GPC4: variants seen among roughly 807,000 people sequenced by gnomAD.
GPC4 encodes glypican 4.
In GPC4, 10 loss-of-function variants were observed where a neutral mutation model predicts 35.0. That is an observed-to-expected ratio of 0.29 (90% CI 0.18 to 0.48). The LOEUF (loss-of-function observed/expected upper bound fraction) is 0.48. GPC4 is among the 20% of genes least tolerant of loss of function. GPC4 has a pLI of 0.99. For missense variants in GPC4, 322 were observed against 451.3 expected, an observed-to-expected ratio of 0.71 and a Z score of 2.60; for synonymous variants, 167 against 170.2, an observed-to-expected ratio of 0.98 and a Z score of 0.15.
intron 3 of GPC4, among the ~76,000 whole-genome samples, chrX:133,319,468 AAAAG>A (rs1569342805): frequency 1.9e-5 from 2 of 106,091 alleles, no homozygotes; most frequent in Non-Finnish European, 3.9e-5. Flanking sequence ...AAAAAAAAAA[AAAAG>A]AAAGAAGGAA....
At chrX:133,346,352 A>G (rs1319589928) in intron 1 of GPC4, among the ~76,000 whole-genome samples, 8 of 111,426 alleles carry the variant, frequency 7.2e-5, no homozygotes. Context: ...TCATGTCCAA[A>G]GTTTTTCTTT....
intron 1 of GPC4, among the ~76,000 whole-genome samples, chrX:133,379,581 T>A (rs1387230885): frequency 8.9e-6 from 1 of 111,953 alleles, no homozygotes; most frequent in Non-Finnish European, 1.9e-5. Context: ...TATGTGAGTT[T>A]CAACAAAAAA....
At chrX:133,410,619 G>A (rs1039336340) in intron 1 of GPC4, among the ~76,000 whole-genome samples, 5 of 112,108 alleles carry the variant, frequency 4.5e-5, no homozygotes, top group South Asian at 3.8e-4. Flanking sequence ...TCAGATTAAC[G>A]CCAATGTTGT....
rs772959039 is a variant in GPC4 at position 133,396,831 on chromosome X, CAG to C, written c.160+17973_160+17974del. 6.8e-4 allele frequency among the ~76,000 whole-genome samples: 76 copies of C among 112,210 alleles called. 1 individual carries two copies. Among genetic ancestry groups the C allele is most frequent in the African/African-American group, 2.4e-3 (74 of 30,951 alleles). The stretch of plus-strand genomic sequence containing the variant: ...CAACTTAAAGACCTACTTTAATAAA[CAG>C]ATATTTTTGTAATTAACACAATGGT... On this transcript the variant is annotated intron_variant, in intron 1 of 8. Coordinates refer to ENST00000370828, the MANE Select transcript of GPC4 (RefSeq NM_001448.3).
At chrX:133,380,761 C>T (rs1014439957) in intron 1 of GPC4, among the ~76,000 whole-genome samples, 2 of 111,663 alleles carry the variant, frequency 1.8e-5, no homozygotes, top group Admixed American at 9.5e-5. Flanking sequence ...TTCCATAATC[C>T]GTGAGAGGCA....
chrX:133,401,322 A>T (rs1029697546), intron 1 of GPC4, among the ~76,000 whole-genome samples: 3 of 111,644 alleles, frequency 2.7e-5, no homozygotes, highest in Non-Finnish European at 5.6e-5. Context: ...CTGAGAACAC[A>T]GGCTGGGGAG....
chrX:133,375,919 T>C (rs1388918373), intron 1 of GPC4, among the ~76,000 whole-genome samples: 1 of 111,524 alleles, frequency 9.0e-6, no homozygotes, highest in Non-Finnish European at 1.9e-5. Flanking sequence ...GATTATGCAG[T>C]AGGGTTTGCA....
intron 1 of GPC4, among the ~76,000 whole-genome samples, chrX:133,378,924 T>C (rs1019081995): frequency 2.4e-4 from 27 of 111,660 alleles, no homozygotes; most frequent in African/African-American, 8.8e-4. Flanking sequence ...TGAGAAGTAA[T>C]GAGGAGATGG....
At chrX:133,314,755 A>C (rs2068329394) in intron 3 of GPC4, among the ~76,000 whole-genome samples, 2 of 111,932 alleles carry the variant, frequency 1.8e-5, no homozygotes. Flanking sequence ...TGGGAAGCAA[A>C]TCCGTTTTAG....
At chrX:133,370,058 A>C (rs2068605657) in intron 1 of GPC4, among the ~76,000 whole-genome samples, 1 of 112,357 alleles carries the variant, frequency 8.9e-6, no homozygotes, top group African/African-American at 3.2e-5. Flanking sequence ...AAGCCAGTAC[A>C]TATGAAAATA....
At chrX:133,389,319 T>A (rs1341107943) in intron 1 of GPC4, among the ~76,000 whole-genome samples, 1 of 111,593 alleles carries the variant, frequency 9.0e-6, no homozygotes, top group Non-Finnish European at 1.9e-5. Context: ...TGTCTTACTC[T>A]CTCTTATATC....
rs761433749 is a variant in GPC4, at chrX:133,339,260, T to C, written c.242A>G (p.Asp81Gly). The C allele has an allele frequency of 4.1e-6, 5 of 1,209,911 alleles. No individual in the cohort carries two copies. Among genetic ancestry groups the C allele is most frequent in the Non-Finnish European group, 5.6e-6 (5 of 894,937 alleles). Residue 81 changes from aspartate (D) to glycine (G), a missense_variant, in exon 2 of 9, where the codon GAT becomes GGT. Asp to Gly is a moderately conservative substitution (Grantham distance 94). Transcript: ENST00000370828. ...MEEKYSLQSK[D>G]DFKSVVSEQC... is the part of the protein sequence containing the mutation. ...TTCGCTGACCACACTTTTGAAATCA[T>C]CTTTACTTTGCAGGCTGTACTTCTC... is the stretch of plus-strand genomic sequence containing the variant.
intron 1 of GPC4, among the ~76,000 whole-genome samples, chrX:133,350,392 G>A (rs2068511566): frequency 9.0e-6 from 1 of 110,549 alleles, no homozygotes; most frequent in African/African-American, 3.3e-5. Context: ...GCATGGTGGC[G>A]CACACCTGTA....
intron 8 of GPC4, 27 bp downstream of exon 8, chrX:133,303,139 T>C: frequency 1.7e-6 from 2 of 1,208,608 alleles, no homozygotes; most frequent in South Asian, 1.8e-5. Context: ...CAAGAGCAAT[T>C]CGTACTTTCA....
chrX:133,387,053 G>A (rs896395966), intron 1 of GPC4, among the ~76,000 whole-genome samples: 2 of 111,817 alleles, frequency 1.8e-5, no homozygotes, highest in East Asian at 2.8e-4. Flanking sequence ...TACCTACACC[G>A]CTAGCAAGCT....
chrX:133,394,140 G>T (rs1299376590), intron 1 of GPC4, among the ~76,000 whole-genome samples: 1 of 109,933 alleles, frequency 9.1e-6, no homozygotes, highest in Admixed American at 9.8e-5. Flanking sequence ...GCATGGTAGC[G>T]GGTGCCTTTA....
At chrX:133,411,983 C>T (rs2068814737) in intron 1 of GPC4, among the ~76,000 whole-genome samples, 1 of 111,411 alleles carries the variant, frequency 9.0e-6, no homozygotes, top group Non-Finnish European at 1.9e-5. Context: ...AAAGCCTGTT[C>T]AAACCTCTAG....
chrX:133,307,952 C>T (rs772958386), intron 4 of GPC4, among the ~76,000 whole-genome samples: 1 of 111,721 alleles, frequency 9.0e-6, no homozygotes, highest in Non-Finnish European at 1.9e-5. Context: ...CTGAGCCAGC[C>T]GGCTATACAC....
At chrX:133,334,884 G>A (rs2068435306) in intron 2 of GPC4, among the ~76,000 whole-genome samples, 1 of 112,325 alleles carries the variant, frequency 8.9e-6, no homozygotes, top group African/African-American at 3.2e-5. Context: ...ATGTAGCAAT[G>A]ACATTACTTC....
Sources: allele counts gnomAD v4.1 joint callset (sites outside exome capture counted in the v4.1 genomes callset), GRCh38; gene constraint gnomAD v4.1.1; transcripts MANE v1.5; gene names NCBI Gene and HGNC (gene_info 2026-07-23, HGNC 2026-07-21).